The following IQGAP2 variants were observed in gnomAD, a reference collection of about 807,000 sequenced individuals.
IQGAP2 encodes ras GTPase-activating-like protein IQGAP2.
Under a neutral mutation model 201.3 loss-of-function variants are expected in IQGAP2, and 173 were observed. The observed-to-expected ratio is 0.86, with a 90% CI of 0.76 to 0.98. The LOEUF is 0.98. IQGAP2 is among the 50% of genes least tolerant of loss of function. IQGAP2 has a pLI of 0.00. For missense variants in IQGAP2, 1,687 were observed against 1,864.8 expected (o/e 0.90, Z 1.76); for synonymous variants, 675 against 673.9 (o/e 1.00, Z -0.03).
intron 5 of IQGAP2, among the ~76,000 whole-genome samples, chr5:76,576,770 A>G (rs1366295199): frequency 6.6e-6 from 1 of 152,230 alleles, no homozygotes; most frequent in Non-Finnish European, 1.5e-5. Flanking sequence ...TGCTAGAAAT[A>G]TAGACCAAGT....
At chr5:76,653,550 A>T (rs1353108860) in intron 18 of IQGAP2, among the ~76,000 whole-genome samples, 3 of 152,224 alleles carry the variant, frequency 2.0e-5, no homozygotes, top group African/African-American at 7.2e-5. Context: ...TGAGCCCAGG[A>T]GTTCAAGACC....
At chr5:76,435,719 A>G (rs997285644) in intron 1 of IQGAP2, among the ~76,000 whole-genome samples, 2 of 152,142 alleles carry the variant, frequency 1.3e-5, no homozygotes, top group African/African-American at 4.8e-5. Flanking sequence ...TAGTCATGTG[A>G]AAATGATGTT....
At chr5:76,467,690 G>A (rs1754856265) in intron 2 of IQGAP2, among the ~76,000 whole-genome samples, 1 of 152,132 alleles carries the variant, frequency 6.6e-6, no homozygotes, top group Non-Finnish European at 1.5e-5. Flanking sequence ...GTACTCGAAT[G>A]TTCACAGAAT....
chr5:76,608,059 A>G (rs550237342), intron 12 of IQGAP2: 2 of 152,392 alleles, frequency 1.3e-5, no homozygotes, highest in Admixed American at 6.5e-5. Context: ...TTGGCTATCA[A>G]GTACAGCCTT....
intron 28 of IQGAP2, among the ~76,000 whole-genome samples, chr5:76,678,073 A>G (rs536113681): frequency 7.2e-4 from 109 of 152,300 alleles, no homozygotes; most frequent in African/African-American, 2.4e-3. Context: ...TCTTCCAGGA[A>G]CCCTCTCAGC....
At position 76,701,198 on chromosome 5, in the gene IQGAP2, A is replaced by G; in HGVS notation, c.4490A>G (p.Asp1497Gly). ...AAAGGTGTCCTGCTAGATATAGATG[A>G]TCTTCAAACAAACCAGTAAGTGTGA... ...HEKGVLLDID[D>G]LQTNQFKNVT... is the part of the protein sequence containing the mutation. The change falls in exon 34 of 36, where the codon GAT becomes GGT. Residue 1497 changes from aspartate to glycine, a missense_variant. Coordinates refer to ENST00000274364, the MANE Select transcript of IQGAP2 (RefSeq NM_006633.5). 1 of 1,614,140 alleles carries G rather than the reference A, an allele frequency of 6.2e-7. No homozygotes were observed.
intron 5 of IQGAP2, among the ~76,000 whole-genome samples, chr5:76,583,300 G>T (rs1015054750): frequency 1.3e-5 from 2 of 151,998 alleles, no homozygotes; most frequent in African/African-American, 4.8e-5. Flanking sequence ...GGGAATACTG[G>T]GTAAACACAG....
intron 28 of IQGAP2, among the ~76,000 whole-genome samples, chr5:76,680,893 C>T (rs1259893843): frequency 6.6e-6 from 1 of 150,916 alleles, no homozygotes; most frequent in Non-Finnish European, 1.5e-5. Context: ...TCACTTGAGG[C>T]CAGGAGTTCA....
intron 13 of IQGAP2, among the ~76,000 whole-genome samples, chr5:76,615,235 G>A (rs955677238): frequency 2.0e-5 from 3 of 152,150 alleles, no homozygotes; most frequent in East Asian, 1.9e-4. Flanking sequence ...TGCTTTTAAC[G>A]AATATTGCTG....
chr5:76,633,845 G>A (rs1305757920), intron 15 of IQGAP2, among the ~76,000 whole-genome samples: 1 of 152,076 alleles, frequency 6.6e-6, no homozygotes, highest in Non-Finnish European at 1.5e-5. Flanking sequence ...GTTCATTCAT[G>A]TAGCATTAGT....
intron 17 of IQGAP2, among the ~76,000 whole-genome samples, chr5:76,641,432 C>T (rs1751574516): frequency 6.6e-6 from 1 of 152,098 alleles, no homozygotes; most frequent in Non-Finnish European, 1.5e-5. Flanking sequence ...TACAATTTGG[C>T]TTTTTTGTGG....
chr5:76,648,160 C>T (rs1752219889), intron 17 of IQGAP2, among the ~76,000 whole-genome samples: 1 of 152,116 alleles, frequency 6.6e-6, no homozygotes, highest in Non-Finnish European at 1.5e-5. Context: ...CAAGAGAGGT[C>T]CAGTAGGTAG....
chr5:76,562,844 T>C (rs1276666918), intron 3 of IQGAP2, among the ~76,000 whole-genome samples: 1 of 152,122 alleles, frequency 6.6e-6, no homozygotes, highest in African/African-American at 2.4e-5. Flanking sequence ...AAGGTAAAAG[T>C]GGGGGCATGC....
intron 10 of IQGAP2, among the ~76,000 whole-genome samples, chr5:76,599,179 C>T (rs1210504514): frequency 6.6e-6 from 1 of 151,958 alleles, no homozygotes; most frequent in African/African-American, 2.4e-5. Context: ...GCCAGGAGTT[C>T]AAGACCAACC....
chr5:76,457,217 G>A (rs1219527320), intron 1 of IQGAP2, among the ~76,000 whole-genome samples: 1 of 152,046 alleles, frequency 6.6e-6, no homozygotes, highest in African/African-American at 2.4e-5. Context: ...TCAAACTCCT[G>A]AACTCAAGGG....
intron 1 of IQGAP2, among the ~76,000 whole-genome samples, chr5:76,418,702 G>A (rs933539202): frequency 6.6e-6 from 1 of 152,166 alleles, no homozygotes; most frequent in African/African-American, 2.4e-5. Context: ...GCGAGGGAGG[G>A]GACATCTGTA....
intron 2 of IQGAP2, among the ~76,000 whole-genome samples, chr5:76,543,805 G>C (rs1222053375): frequency 6.6e-6 from 1 of 152,178 alleles, no homozygotes; most frequent in African/African-American, 2.4e-5. Context: ...AGGTAGATGG[G>C]ACGAGGTTTT....
chr5:76,480,206 C>T, intron 2 of IQGAP2, among the ~76,000 whole-genome samples: 1 of 152,076 alleles, frequency 6.6e-6, no homozygotes, highest in East Asian at 1.9e-4. Flanking sequence ...TCAGCCTGCT[C>T]AGGGAGAAGC....
intron 21 of IQGAP2, among the ~76,000 whole-genome samples, chr5:76,663,720 A>G (rs1396890280): frequency 2.0e-5 from 3 of 152,174 alleles, no homozygotes; most frequent in Non-Finnish European, 4.4e-5. Flanking sequence ...ATTTGTAGAG[A>G]TGGGGTCTTG....
Sources: gnomAD v4.1 joint callset for allele counts (sites outside exome capture counted in the v4.1 genomes callset) on GRCh38, gnomAD v4.1.1 for gene constraint, MANE v1.5 for transcripts, NCBI Gene and HGNC (gene_info 2026-07-23, HGNC 2026-07-21) for gene names.